Variants in BICD1 observed in about 807,000 individuals in gnomAD.
The protein encoded by BICD1 is BICD cargo adaptor 1.
Under a neutral mutation model 92.5 loss-of-function variants are expected in BICD1, and 35 were observed. That is an observed-to-expected ratio of 0.38 (90% CI 0.29 to 0.50). The LOEUF is 0.50. BICD1 is among the 20% of genes least tolerant of loss of function. The pLI is 0.93. For synonymous variants in BICD1, 429 were observed against 465.1 expected (o/e 0.92, Z 1.00); for missense variants, 950 against 1,189.8 (o/e 0.80, Z 2.97).
chr12:32,225,621 G>T (rs77881027), intron 2 of BICD1, among the ~76,000 whole-genome samples: 88 of 92,756 alleles, frequency 9.5e-4, no homozygotes, highest in East Asian at 1.9e-3. Context: ...CTTTTTTTCT[G>T]TTTTTTTTTT....
chr12:32,210,883 C>T (rs757489819), intron 1 of BICD1, among the ~76,000 whole-genome samples: 2 of 152,150 alleles, frequency 1.3e-5, no homozygotes, highest in Non-Finnish European at 2.9e-5. Flanking sequence ...CCTTGAAAAA[C>T]ATTGTTTCCT....
intron 3 of BICD1, among the ~76,000 whole-genome samples, chr12:32,294,620 TAAAAAAA>T (rs60052535): frequency 3.0e-5 from 2 of 65,628 alleles, no homozygotes; most frequent in African/African-American, 6.0e-5. Flanking sequence ...GACTCCGTCT[TAAAAAAA>T]AAAAAAAAAA....
At chr12:32,116,502 C>CTATATATATATATATA (rs1433983078) in intron 1 of BICD1, among the ~76,000 whole-genome samples, 1 of 77,534 alleles carries the variant, frequency 1.3e-5, no homozygotes, top group Non-Finnish European at 2.6e-5. Flanking sequence ...TTCTCTCTCT[C>CTATATATATATATATA]TCTCTCTCTA....
At chr12:32,123,678 A>G (rs1295736104) in intron 1 of BICD1, among the ~76,000 whole-genome samples, 3 of 152,210 alleles carry the variant, frequency 2.0e-5, no homozygotes, top group Non-Finnish European at 4.4e-5. Context: ...GGAGTTCAAG[A>G]CCAGCCTGGC....
intron 8 of BICD1, among the ~76,000 whole-genome samples, chr12:32,364,933 G>C (rs1204697415): frequency 1.3e-5 from 2 of 151,770 alleles, no homozygotes; most frequent in East Asian, 1.9e-4. Context: ...ATGACATCCT[G>C]TCTCAAAAAC....
chr12:32,197,359 A>C (rs1037374064), intron 1 of BICD1, among the ~76,000 whole-genome samples: 12 of 152,176 alleles, frequency 7.9e-5, no homozygotes, highest in Non-Finnish European at 1.5e-5. Context: ...TTCAATTCTT[A>C]TTCTACCTAG....
intron 2 of BICD1, among the ~76,000 whole-genome samples, chr12:32,238,957 A>C (rs991989215): frequency 3.9e-4 from 58 of 150,154 alleles, no homozygotes; most frequent in African/African-American, 1.4e-3. Context: ...AAAAAAAAAA[A>C]AAAAAAAGGC....
intron 9 of BICD1, among the ~76,000 whole-genome samples, chr12:32,370,436 T>A (rs1217678560): frequency 6.8e-6 from 1 of 147,280 alleles, no homozygotes; most frequent in African/African-American, 2.6e-5. Flanking sequence ...CAAACTCGTC[T>A]CAGTGGGATT....
At chr12:32,343,422 G>A (rs1288895625) in intron 8 of BICD1, among the ~76,000 whole-genome samples, 18 of 151,906 alleles carry the variant, frequency 1.2e-4, no homozygotes, top group East Asian at 5.8e-4. Flanking sequence ...GTCAGAATAC[G>A]TAAAGGGAAT....
intron 2 of BICD1, among the ~76,000 whole-genome samples, chr12:32,237,076 C>T (rs755640741): frequency 1.3e-4 from 20 of 151,888 alleles, no homozygotes; most frequent in Non-Finnish European, 1.9e-4. Flanking sequence ...AGGGTTTCAC[C>T]ATGTTAGCCA....
chr12:32,359,050 A>T (rs1228274075), intron 8 of BICD1, among the ~76,000 whole-genome samples: 1 of 152,198 alleles, frequency 6.6e-6, no homozygotes, highest in East Asian at 1.9e-4. Flanking sequence ...CCCTCCCATA[A>T]GGACTAAAAG....
Position 32,338,998 on chromosome 12 carries a change from G to T in BICD1, c.2764+19G>T. The T allele has an allele frequency of 6.3e-7, 1 of 1,576,228 alleles. No homozygotes were observed. Among genetic ancestry groups the T allele is most frequent in the Non-Finnish European group, 8.6e-7 (1 of 1,167,068 alleles). Reference sequence around the variant, plus strand: ...CCACCAGGTAAACATTTTTTCCTTGGGTGCATGTGATGCAAATGATTAGTT... The same window carrying T: ...CCACCAGGTAAACATTTTTTCCTTGTGTGCATGTGATGCAAATGATTAGTT... On this transcript the variant is annotated intron_variant, in intron 8 of 9. Coordinates refer to ENST00000652176, the MANE Select transcript of BICD1 (RefSeq NM_001714.4).
At chr12:32,297,491 C>T (rs779485162) in intron 3 of BICD1, among the ~76,000 whole-genome samples, 13 of 151,246 alleles carry the variant, frequency 8.6e-5, no homozygotes, top group South Asian at 2.1e-4. Flanking sequence ...CCACCATGCC[C>T]GGCCCTAATT....
At chr12:32,375,672 A>G (rs761281399) in intron 9 of BICD1, among the ~76,000 whole-genome samples, 2 of 152,236 alleles carry the variant, frequency 1.3e-5, no homozygotes, top group African/African-American at 4.8e-5. Context: ...ACAGAACAGC[A>G]AAGCTTCTTT....
intron 2 of BICD1, among the ~76,000 whole-genome samples, chr12:32,222,630 A>C (rs1945566879): frequency 6.6e-6 from 1 of 152,212 alleles, no homozygotes; most frequent in African/African-American, 2.4e-5. Flanking sequence ...ATGAAGTTTT[A>C]ATACGATAGC....
Position 32,377,604 on chromosome 12 carries a change from C to T in BICD1, c.2905C>T (p.Leu969Phe). The change falls in exon 10 of 10, where the codon CTC (leucine) becomes TTC (phenylalanine). Residue 969 changes from leucine to phenylalanine, a missense_variant. Around this residue, in one of 5 missense-constraint regions of BICD1, gnomAD observed 179 missense variants for 186.7 expected, o/e 0.96. Coordinates refer to ENST00000652176, the MANE Select transcript of BICD1 (RefSeq NM_001714.4). ...CTCCCAGTGCGCCCCTCTCCACTGT[C>T]TCTCCAAGCCTCCTCACCCCTAGTC... ...SSSQCAPLHC[L>F]SKPPHP The T allele has an allele frequency of 6.2e-7, 1 of 1,613,938 alleles. No individual in the cohort carries two copies. Among genetic ancestry groups the T allele is most frequent in the South Asian group, 1.1e-5 (1 of 91,070 alleles).
chr12:32,206,748 C>T (rs936254455), intron 1 of BICD1, among the ~76,000 whole-genome samples: 4 of 152,148 alleles, frequency 2.6e-5, no homozygotes, highest in Non-Finnish European at 5.9e-5. Flanking sequence ...CATCCATTGT[C>T]AAGAGAATGG....
intron 1 of BICD1, among the ~76,000 whole-genome samples, chr12:32,130,231 G>T (rs1942493179): frequency 1.3e-5 from 2 of 149,992 alleles, no homozygotes; most frequent in Non-Finnish European, 3.0e-5. Context: ...TTGAGATGGA[G>T]TCTCGCTCTG....
intron 1 of BICD1, among the ~76,000 whole-genome samples, chr12:32,197,148 A>T (rs1444970256): frequency 6.6e-6 from 1 of 151,818 alleles, no homozygotes; most frequent in African/African-American, 2.4e-5. Flanking sequence ...AGCTGGGATT[A>T]CAGGCATACT....
Sources: gnomAD v4.1 joint callset for allele counts (sites outside exome capture counted in the v4.1 genomes callset) on GRCh38, gnomAD v4.1.1 for gene constraint, gnomAD v4.1.1 regional missense constraint, MANE v1.5 for transcripts, NCBI Gene and HGNC (gene_info 2026-07-23, HGNC 2026-07-21) for gene names.